TGIF2: variants seen among roughly 807,000 people sequenced by gnomAD.
TGIF2 encodes homeobox protein TGIF2.
Under a neutral mutation model 15.1 loss-of-function variants are expected in TGIF2, and 5 were observed. The observed-to-expected ratio is 0.33, with a 90% CI of 0.17 to 0.70. TGIF2 has a LOEUF of 0.70. Among genes scored for constraint, TGIF2 ranks in the 30% least tolerant of loss-of-function variants. The pLI, the probability that TGIF2 is intolerant of heterozygous loss-of-function variation, is 0.67. For synonymous variants in TGIF2, 131 were observed against 128.9 expected (o/e 1.02, Z -0.11); for missense variants, 264 against 302.5 (o/e 0.87, Z 0.94).
Position 36,590,914 on chromosome 20 carries a change from G to A in TGIF2, c.197G>A (p.Cys66Tyr), listed in dbSNP as rs1255776782. 2 of 1,516,300 alleles carry A rather than the reference G, an allele frequency of 1.3e-6. No individual in the cohort carries two copies. The highest frequency in any genetic ancestry group is 1.8e-6 in the Non-Finnish European group (2 of 1,130,548). The allele number at this position is 1,516,300 out of a possible 1,614,324, so 93.9% of individuals were successfully genotyped here. ...GGTCTTGTATATTCATTCCAGATAT[G>A]TAACTGGTTCATCAATGCCCGGCGG... is the stretch of plus-strand genomic sequence containing the variant. ...GQTNLSVLQICNWFINARRRL... is the reference protein window; with the variant it reads ...GQTNLSVLQIYNWFINARRRL... Residue 66 changes from cysteine (C) to tyrosine (Y), a missense_variant, in exon 3 of 3, where the codon TGT becomes TAT. Cys to Tyr is a radical substitution (Grantham distance 194). Transcript: ENST00000373872.
At chr20:36,586,661 C>T (rs1245796696) in intron 2 of TGIF2, among the ~76,000 whole-genome samples, 2 of 151,298 alleles carry the variant, frequency 1.3e-5, no homozygotes, top group East Asian at 3.9e-4. Context: ...CACCATTGCA[C>T]TCCAGCCTGG....
chr20:36,585,577 ATC>A (rs2038640991), intron 2 of TGIF2, among the ~76,000 whole-genome samples: 1 of 151,140 alleles, frequency 6.6e-6, no homozygotes, highest in African/African-American at 2.4e-5. Context: ...AGCTTGTTTT[ATC>A]TCTCCCTGGG....
intron 2 of TGIF2, among the ~76,000 whole-genome samples, chr20:36,589,833 C>T (rs1463064524): frequency 6.6e-6 from 1 of 152,070 alleles, no homozygotes; most frequent in Non-Finnish European, 1.5e-5. Context: ...AGACTACAGA[C>T]ACGCACCACC....
At chr20:36,576,058 C>G (rs1407056830) in intron 1 of TGIF2, among the ~76,000 whole-genome samples, 1 of 151,278 alleles carries the variant, frequency 6.6e-6, no homozygotes, top group South Asian at 2.1e-4. Context: ...CGCCACTGCA[C>G]TCCAGCCTAG....
At chr20:36,584,018 G>T (rs2038600952) in intron 2 of TGIF2, among the ~76,000 whole-genome samples, 1 of 152,090 alleles carries the variant, frequency 6.6e-6, no homozygotes, top group South Asian at 2.1e-4. Flanking sequence ...AGTGAGTTGT[G>T]ATTGCACCAT....
chr20:36,576,808 G>A (rs1365667542), intron 1 of TGIF2, among the ~76,000 whole-genome samples: 3 of 151,974 alleles, frequency 2.0e-5, no homozygotes, highest in African/African-American at 7.3e-5. Context: ...GGGCTCAAGC[G>A]ATTCTTCCAC....
chr20:36,574,403 G>A (rs1292213358), intron 1 of TGIF2: 2 of 148,018 alleles, frequency 1.4e-5, no homozygotes, highest in Non-Finnish European at 3.0e-5. Context: ...AGTCTCCGGG[G>A]CAGGGGGCGG....
Position 36,580,041 on chromosome 20 carries a change from C to T in TGIF2, c.192+1075C>T, listed in dbSNP as rs566596581. On this transcript the variant is annotated intron_variant, in intron 2 of 2. Transcript: ENST00000373872. The stretch of plus-strand genomic sequence containing the variant: ...CCCTTCCTGGAGACACACAGTAGGC[C>T]CTTAGCCTAATACAAGAGGCCCAGC... 5.9e-3 allele frequency among the ~76,000 whole-genome samples: 905 copies of T among 152,242 alleles called. 6 individuals carry two copies. Among genetic ancestry groups the T allele is most frequent in the Non-Finnish European group, 8.4e-3 (574 of 68,010 alleles).
chr20:36,590,400 C>A (rs956372290), intron 2 of TGIF2, among the ~76,000 whole-genome samples: 3 of 152,174 alleles, frequency 2.0e-5, no homozygotes, highest in Admixed American at 6.5e-5. Flanking sequence ...ATTGTAGGTG[C>A]CTGCCACCAT....
At chr20:36,581,608 T>C (rs1884539896) in intron 2 of TGIF2, among the ~76,000 whole-genome samples, 1 of 152,044 alleles carries the variant, frequency 6.6e-6, no homozygotes, top group African/African-American at 2.4e-5. Flanking sequence ...CTGAGAAATA[T>C]ACTAACTCCT....
At chr20:36,576,879 A>G (rs900120149) in intron 1 of TGIF2, among the ~76,000 whole-genome samples, 14 of 151,920 alleles carry the variant, frequency 9.2e-5, no homozygotes, top group Non-Finnish European at 1.3e-4. Context: ...TAATTTTTGT[A>G]TTTTTTGTAG....
Position 36,591,427 on chromosome 20 carries a change from A to G in TGIF2, c.710A>G (p.Gln237Arg). ...ATCCCTTTAGTCTCTGAAAATCCCC[A>G]GTAGGCATCTGCCAAGAAGGGTGCT... Reference protein sequence around the residue: ...TPIPLVSENPQ With the variant: ...TPIPLVSENPR The change falls in exon 3 of 3, where the codon CAG becomes CGG. Residue 237 changes from glutamine to arginine, a missense_variant. By Grantham distance (43) the Gln-to-Arg change is conservative (BLOSUM62 1). Coordinates refer to ENST00000373872, the MANE Select transcript of TGIF2 (RefSeq NM_021809.7). This position sits in a 1 kb window ranked among gnomAD's most constrained non-coding sequence, Gnocchi z 5.3. The G allele has an allele frequency of 1.2e-6, 2 of 1,603,050 alleles. No individual in the cohort carries two copies. The highest frequency in any genetic ancestry group is 1.7e-6 in the Non-Finnish European group (2 of 1,172,142).
intron 1 of TGIF2, among the ~76,000 whole-genome samples, chr20:36,575,201 G>T (rs2038401572): frequency 6.6e-6 from 1 of 152,016 alleles, no homozygotes; most frequent in African/African-American, 2.4e-5. Context: ...GGTTTGTAAG[G>T]CTTGAGCGAT....
At chr20:36,574,105 C>T (rs2038359411) in intron 1 of TGIF2, among the ~76,000 whole-genome samples, 1 of 151,262 alleles carries the variant, frequency 6.6e-6, no homozygotes, top group Non-Finnish European at 1.5e-5. Flanking sequence ...GTGCACGTTG[C>T]TAACCGCCAG....
chr20:36,588,296 A>G (rs2038699924), intron 2 of TGIF2, among the ~76,000 whole-genome samples: 1 of 150,550 alleles, frequency 6.6e-6, no homozygotes, highest in Non-Finnish European at 1.5e-5. Flanking sequence ...CTGCTATCAA[A>G]GGTGTTTGAG....
Position 36,591,522 on chromosome 20 carries a change from A to G in TGIF2, c.*91A>G. On this transcript the variant is annotated 3_prime_UTR_variant, in exon 3 of 3. Coordinates refer to ENST00000373872, the MANE Select transcript of TGIF2 (RefSeq NM_021809.7). The surrounding 1 kb of genome is among the most constrained non-coding windows in gnomAD (Gnocchi z 5.3). ...TCATACAGAGGGTTTTCTATGGATC[A>G]CTGCCAAACATTGGGATCATCTCCT... 7.3e-7 allele frequency: 1 copy of G among 1,367,394 alleles called. No homozygotes were observed. The allele number at this position is 1,367,394 out of a possible 1,614,324, so 84.7% of individuals were successfully genotyped here.
chr20:36,578,179 G>A (rs1333744229), intron 1 of TGIF2, among the ~76,000 whole-genome samples: 1 of 152,044 alleles, frequency 6.6e-6, no homozygotes, highest in Non-Finnish European at 1.5e-5. Context: ...TTGGGAGGCT[G>A]AGGCTGCTAG....
intron 1 of TGIF2, among the ~76,000 whole-genome samples, chr20:36,576,345 CAA>C (rs1446187005): frequency 1.3e-5 from 2 of 152,142 alleles, no homozygotes; most frequent in Non-Finnish European, 2.9e-5. Context: ...AGGGGCCTGA[CAA>C]AGGAGAATGT....
intron 2 of TGIF2, among the ~76,000 whole-genome samples, chr20:36,583,246 C>T (rs965277696): frequency 2.0e-5 from 3 of 151,608 alleles, no homozygotes; most frequent in African/African-American, 7.3e-5. Flanking sequence ...TGCACTCCAG[C>T]CTGGGCAACA....
Sources: allele counts gnomAD v4.1 joint callset (sites outside exome capture counted in the v4.1 genomes callset), GRCh38; gene constraint gnomAD v4.1.1; non-coding constraint Gnocchi (gnomAD v3.1); transcripts MANE v1.5; gene names NCBI Gene and HGNC (gene_info 2026-07-23, HGNC 2026-07-21).